The following MTMR7 variants were observed in gnomAD, a reference collection of about 807,000 sequenced individuals.
MTMR7 encodes the protein myotubularin related protein 7.
MTMR7 carries 76 observed loss-of-function variants against 81.2 expected under a neutral mutation model. The observed-to-expected ratio is 0.94, with a 90% confidence interval of 0.78 to 1.13. MTMR7 has a LOEUF of 1.13. Among genes scored for constraint, MTMR7 ranks in the 50% most tolerant of loss-of-function variants. The probability of loss-of-function intolerance (pLI) is 0.00; values close to 1 mark genes in which losing one functional copy is unlikely to be tolerated. For synonymous variants in MTMR7, 372 were observed against 289.8 expected (o/e 1.28, Z -2.88); for missense variants, 1,044 against 820.0 (o/e 1.27, Z -3.34).
At chr8:17,350,418 C>A (rs62498859) in intron 4 of MTMR7, among the ~76,000 whole-genome samples, 1 of 152,118 alleles carries the variant, frequency 6.6e-6, no homozygotes, top group Non-Finnish European at 1.5e-5. Context: ...GGCAAGACAG[C>A]GTGTGTAGGG....
At chr8:17,311,767 G>A in intron 8 of MTMR7, 131 bp from the exon 9 acceptor site, 2 of 1,400,234 alleles carry the variant, frequency 1.4e-6, no homozygotes, top group Non-Finnish European at 1.9e-6. Flanking sequence ...CCATTCGTCT[G>A]TTTAGGGCCC....
chr8:17,315,639 A>G lies in MTMR7; in HGVS notation c.866-2238T>C, dbSNP rs188801053. Among the ~76,000 whole-genome samples the G allele has an allele frequency of 6.0e-4, 92 of 152,274 alleles. 1 individual carries two copies. The highest frequency in any genetic ancestry group is 9.4e-4 in the Non-Finnish European group (64 of 68,030). On this transcript the variant is annotated intron_variant, in intron 7 of 13. Coordinates refer to ENST00000180173, the MANE Select transcript of MTMR7 (RefSeq NM_004686.5). ...TCTAAAACTGCTCTTAAAAAGAAAA[A>G]GTCTTTAAAAACATGATAATGTAAC...
intron 5 of MTMR7, among the ~76,000 whole-genome samples, chr8:17,344,319 A>G (rs988329895): frequency 2.0e-5 from 3 of 152,210 alleles, no homozygotes; most frequent in African/African-American, 7.2e-5. Flanking sequence ...CCTTATTAAG[A>G]TACAGCATAA....
intron 5 of MTMR7, among the ~76,000 whole-genome samples, chr8:17,345,474 A>G (rs1032798572): frequency 1.3e-5 from 2 of 152,134 alleles, no homozygotes; most frequent in African/African-American, 4.8e-5. Context: ...GTGCCCCTTC[A>G]TGGGCTGTGG....
At position 17,297,220 on chromosome 8, in the gene MTMR7, G is replaced by A. The variant is rs142001356; in HGVS notation, c.*2642C>T. On this transcript the variant is annotated 3_prime_UTR_variant, in exon 14 of 14. Transcript: ENST00000180173. ...ACTAGGCTAATCAGTGTACGAATTT[G>A]TCATAGGTAGAGATTTAAAGGTTAA... 7 of 152,216 alleles carry A rather than the reference G, an allele frequency of 4.6e-5. No individual in the cohort carries two copies. In the East Asian group the frequency reaches 9.7e-4, roughly 21 times the overall value. 9.4% of individuals were successfully genotyped at this position (152,216 alleles called of 1,614,324 possible). A position where few individuals can be genotyped will look rare whatever the true frequency, so the allele number is the denominator to read the frequency against.
At chr8:17,339,337 C>G (rs559271055) in intron 6 of MTMR7, among the ~76,000 whole-genome samples, 1 of 152,190 alleles carries the variant, frequency 6.6e-6, no homozygotes, top group Admixed American at 6.5e-5. Context: ...GGTATACCCA[C>G]AGAGTTGTGC....
intron 2 of MTMR7, among the ~76,000 whole-genome samples, chr8:17,372,403 T>C (rs143189264): frequency 4.6e-5 from 7 of 152,020 alleles, no homozygotes; most frequent in South Asian, 2.1e-4. Flanking sequence ...CTGGACAACA[T>C]AGTGAAACCC....
chr8:17,366,571 C>A (rs1214943666), intron 3 of MTMR7, among the ~76,000 whole-genome samples: 1 of 151,998 alleles, frequency 6.6e-6, no homozygotes, highest in South Asian at 2.1e-4. Flanking sequence ...AAACATTATG[C>A]TGAATTCAGG....
intron 1 of MTMR7, among the ~76,000 whole-genome samples, chr8:17,409,033 T>A (rs1333290748): frequency 6.6e-6 from 1 of 152,226 alleles, no homozygotes; most frequent in African/African-American, 2.4e-5. Flanking sequence ...ATATCTCACA[T>A]ATTATGTCAG....
Position 17,311,667 on chromosome 8 carries a change from A to C in MTMR7, c.976-31T>G, listed in dbSNP as rs750192487. On this transcript the variant is annotated intron_variant, in intron 8 of 13. Transcript: ENST00000180173. ...AAACACACGATCCGCAAAGAGTCAC[A>C]AAGAATGGCTGTAAAAAGGCAGAAC... 6 of 1,613,676 alleles carry C rather than the reference A, an allele frequency of 3.7e-6. No individual in the cohort carries two copies. In the South Asian group the frequency reaches 6.6e-5, roughly 18 times the overall value.
chr8:17,385,713 A>G (rs7004600), intron 1 of MTMR7, among the ~76,000 whole-genome samples: 133,545 of 152,114 alleles, frequency 0.88, 58,755 homozygotes, highest in Middle Eastern at 0.95. Context: ...AAAAGGGTAC[A>G]GCACCTACCC....
chr8:17,342,689 G>A (rs539752472), intron 5 of MTMR7, among the ~76,000 whole-genome samples: 5 of 152,158 alleles, frequency 3.3e-5, no homozygotes, highest in East Asian at 3.9e-4. Context: ...GTCTGAGGGC[G>A]CCAACACCAT....
intron 7 of MTMR7, among the ~76,000 whole-genome samples, chr8:17,314,855 A>G (rs553104623): frequency 6.6e-6 from 1 of 152,272 alleles, no homozygotes; most frequent in African/African-American, 2.4e-5. Flanking sequence ...TCAGAGCACT[A>G]CCTTTCTAAG....
intron 4 of MTMR7, among the ~76,000 whole-genome samples, chr8:17,356,518 G>A (rs1028392354): frequency 1.3e-5 from 2 of 151,990 alleles, no homozygotes; most frequent in Non-Finnish European, 1.5e-5. Context: ...GGCCAACATG[G>A]TGAAATACCA....
intron 1 of MTMR7, among the ~76,000 whole-genome samples, chr8:17,385,867 A>G (rs893346268): frequency 3.9e-5 from 6 of 151,984 alleles, no homozygotes; most frequent in African/African-American, 1.5e-4. Flanking sequence ...AGCCAATTAA[A>G]CCTCTTTTCT....
intron 6 of MTMR7, among the ~76,000 whole-genome samples, chr8:17,337,326 C>G (rs1273981517): frequency 6.8e-6 from 1 of 147,036 alleles, no homozygotes; most frequent in East Asian, 2.0e-4. Context: ...GATCGTGCCA[C>G]TGAGCTCCAG....
At chr8:17,367,870 T>G (rs904178386) in intron 3 of MTMR7, among the ~76,000 whole-genome samples, 13 of 145,660 alleles carry the variant, frequency 8.9e-5, no homozygotes, top group African/African-American at 3.4e-4. Flanking sequence ...GGTTTGGGGT[T>G]TTTTTTTTTT....
intron 6 of MTMR7, 144 bp downstream of exon 6, chr8:17,341,219 G>T (rs1819397623): frequency 9.9e-7 from 1 of 1,010,992 alleles, no homozygotes. Context: ...AGCCAGCAGG[G>T]TGCCCAGACA....
At chr8:17,380,985 T>C (rs1230049887) in intron 1 of MTMR7, among the ~76,000 whole-genome samples, 1 of 152,144 alleles carries the variant, frequency 6.6e-6, no homozygotes, top group African/African-American at 2.4e-5. Flanking sequence ...ACTTCGGGTA[T>C]TCTCAGAACT....
Sources: gnomAD v4.1 joint callset for allele counts (sites outside exome capture counted in the v4.1 genomes callset) on GRCh38, gnomAD v4.1.1 for gene constraint, MANE v1.5 for transcripts, NCBI Gene and HGNC (gene_info 2026-07-23, HGNC 2026-07-21) for gene names.